The following ZNF786 variants were observed in gnomAD, a reference collection of about 807,000 sequenced individuals.
The protein encoded by ZNF786 is zinc finger protein 786.
Under a neutral mutation model 63.1 loss-of-function variants are expected in ZNF786, and 56 were observed. The ratio of observed to expected loss-of-function variants is 0.89; its 90% CI spans 0.72 to 1.11. The LOEUF (loss-of-function observed/expected upper bound fraction) is 1.11, where lower values mean the gene tolerates loss of function less well. Ranked by LOEUF, ZNF786 falls within the 50% of genes least tolerant of loss-of-function variation. ZNF786 has a pLI of 0.00. For synonymous variants in ZNF786, 485 were observed against 406.9 expected, an observed-to-expected ratio of 1.19 and a Z score of -2.31; for missense variants, 1,213 against 1,041.8, an observed-to-expected ratio of 1.16 and a Z score of -2.26.
At chr7:149,087,365 A>C (rs1209692362) in intron 1 of ZNF786, among the ~76,000 whole-genome samples, 1 of 152,162 alleles carries the variant, frequency 6.6e-6, no homozygotes, top group Admixed American at 6.6e-5. Context: ...GAAACACTAG[A>C]TTAGTGGTTC....
chr7:149,069,942 T>C lies in ZNF786; in HGVS notation c.*481A>G, dbSNP rs1386871481. 1 of 154,760 alleles carries C rather than the reference T, an allele frequency of 6.5e-6. No individual in the cohort carries two copies. Among genetic ancestry groups the C allele is most frequent in the Admixed American group, 6.4e-5 (1 of 15,720 alleles). 9.6% of individuals were successfully genotyped at this position (154,760 alleles called of 1,614,324 possible). A position where few individuals can be genotyped will look rare whatever the true frequency, so the allele number is the denominator to read the frequency against. Reference sequence around the variant, plus strand: ...GGCCTAAATTTACTTTTATAACAATTACTTTTTAAAATGTCAGAACTTCCT... The same window carrying C: ...GGCCTAAATTTACTTTTATAACAATCACTTTTTAAAATGTCAGAACTTCCT... On this transcript the variant is annotated 3_prime_UTR_variant, in exon 4 of 4. Coordinates refer to ENST00000491431, the MANE Select transcript of ZNF786 (RefSeq NM_152411.4).
intron 2 of ZNF786, among the ~76,000 whole-genome samples, chr7:149,077,187 G>A (rs1293650633): frequency 6.6e-6 from 1 of 152,136 alleles, no homozygotes; most frequent in South Asian, 2.1e-4. Context: ...TTCTTGTCTT[G>A]GTTCTCCCAT....
In ZNF786 at chr7:149,090,648, G is replaced by C; in HGVS notation, c.-8C>G. The C allele has an allele frequency of 6.3e-7, 1 of 1,587,538 alleles. No homozygotes were observed. The highest frequency in any genetic ancestry group is 1.1e-5 in the South Asian group (1 of 88,022). On this transcript the variant is annotated 5_prime_UTR_variant, in exon 1 of 4. Transcript: ENST00000491431. ...CCGAGGCGGCTCCGCCATGGTCCCCGCGGTCCCGCCCGGCCCTGGCAAACC... is the reference window on the plus strand; with the variant it reads ...CCGAGGCGGCTCCGCCATGGTCCCCCCGGTCCCGCCCGGCCCTGGCAAACC...
At position 149,070,321 on chromosome 7, in the gene ZNF786, T is replaced by A. The variant is rs1225367929; in HGVS notation, c.*102A>T. 1 of 1,470,846 alleles carries A rather than the reference T, an allele frequency of 6.8e-7. No homozygotes were observed. Among genetic ancestry groups the A allele is most frequent in the Non-Finnish European group, 9.2e-7 (1 of 1,089,434 alleles). The allele number at this position is 1,470,846 out of a possible 1,614,324, so 91.1% of individuals were successfully genotyped here. A position where few individuals can be genotyped will look rare whatever the true frequency, so the allele number is the denominator to read the frequency against. ...CATGACACTCTTGCTCAAAGAAGGA[T>A]ACCTGCTCCTAAAACCCGTCTACCA... On this transcript the variant is annotated 3_prime_UTR_variant, in exon 4 of 4. Transcript: ENST00000491431.
In ZNF786 at chr7:149,071,521, G is replaced by A. The variant is rs1425535445; in HGVS notation, c.1251C>T (p.His417=). Reference sequence around the variant, plus strand: ...AGAACGGTCTCTCCCCACCGTGCGCGTGCTGGTGGACCTGCAGCAGGCGGC... The same window carrying A: ...AGAACGGTCTCTCCCCACCGTGCGCATGCTGGTGGACCTGCAGCAGGCGGC... ...RLRRLLQVHQ[H]AHGGERPFSC... Residue 417 remains histidine, a synonymous_variant, in exon 4 of 4, where the codon CAC becomes CAT. Transcript: ENST00000491431. 6.2e-7 allele frequency: 1 copy of A among 1,613,170 alleles called. No homozygotes were observed. The highest frequency in any genetic ancestry group is 2.2e-5 in the East Asian group (1 of 44,880).
intron 1 of ZNF786, chr7:149,082,645 A>T (rs1164178810): frequency 5.4e-6 from 1 of 185,080 alleles, no homozygotes; most frequent in Non-Finnish European, 1.0e-5. Context: ...CAGTGGCGTG[A>T]TCTTAGCTCA....
intron 1 of ZNF786, among the ~76,000 whole-genome samples, chr7:149,085,643 A>T (rs569163689): frequency 7.2e-4 from 109 of 152,150 alleles, no homozygotes; most frequent in Non-Finnish European, 1.4e-3. Context: ...TGTCATTGGT[A>T]GTTTGATAGG....
At position 149,071,099 on chromosome 7, in the gene ZNF786, G is replaced by GT. The variant is rs1350210647; in HGVS notation, c.1672dup (p.Thr558AsnfsTer95). 1 of 1,605,920 alleles carries GT rather than the reference G, an allele frequency of 6.2e-7. No homozygotes were observed. The highest frequency in any genetic ancestry group is 1.7e-5 in the Admixed American group (1 of 59,266). On this transcript the variant is annotated frameshift_variant, in exon 4 of 4. Transcript: ENST00000491431. LOFTEE classifies it high-confidence loss of function. ...CGAGAACGGCCTCTCCTTGCTGTGC[G>GT]TGTGCTGGTGGGCCTTCAGGATGCC...
intron 1 of ZNF786, among the ~76,000 whole-genome samples, chr7:149,087,054 G>A (rs1825751263): frequency 6.6e-6 from 1 of 152,068 alleles, no homozygotes; most frequent in Admixed American, 6.6e-5. Context: ...TGTTGGTCAG[G>A]CTGGTCTTGA....
At chr7:149,084,351 CAA>C (rs60194366) in intron 1 of ZNF786, among the ~76,000 whole-genome samples, 10 of 62,310 alleles carry the variant, frequency 1.6e-4, no homozygotes, top group Admixed American at 3.6e-4. Flanking sequence ...AACTGCATCC[CAA>C]AAAAAAAAAA....
In ZNF786 at chr7:149,071,098, C is replaced by T. The variant is rs563205681; in HGVS notation, c.1674G>A (p.Thr558=). 1.9e-6 allele frequency: 3 copies of T among 1,611,670 alleles called. No homozygotes were observed. Among genetic ancestry groups the T allele is most frequent in the South Asian group, 1.1e-5 (1 of 90,994 alleles). The change falls in exon 4 of 4, where the codon ACG becomes ACA. Residue 558 remains threonine (T), a synonymous_variant. Coordinates refer to ENST00000491431, the MANE Select transcript of ZNF786 (RefSeq NM_152411.4). ...ACGAGAACGGCCTCTCCTTGCTGTG[C>T]GTGTGCTGGTGGGCCTTCAGGATGC... ...LKGILKAHQH[T]HSKERPFSCG... is the part of the protein sequence containing the mutation.
chr7:149,076,867 G>A (rs752828896), intron 2 of ZNF786, among the ~76,000 whole-genome samples: 13 of 152,094 alleles, frequency 8.5e-5, no homozygotes, highest in Admixed American at 2.6e-4. Flanking sequence ...ATATATCACA[G>A]TCTGTCTTTT....
At position 149,070,528 on chromosome 7, in the gene ZNF786, C is replaced by A. The variant is rs770428360; in HGVS notation, c.2244G>T (p.Ala748=). The A allele has an allele frequency of 5.0e-6, 8 of 1,614,028 alleles. No homozygotes were observed. Among genetic ancestry groups the A allele is most frequent in the Middle Eastern group, 1.6e-4 (1 of 6,062 alleles). The stretch of plus-strand genomic sequence containing the variant: ...ATTTTGTGTGTACTCTGATGTGCTC[C>A]GCAAGCTTAGACTTGTAAATGAAGC... ...GKGFIYKSKL[A]EHIRVHTKSC... The change falls in exon 4 of 4, where the codon GCG becomes GCT. Residue 748 remains alanine (A), a synonymous_variant. Transcript: ENST00000491431.
At position 149,071,736 on chromosome 7, in the gene ZNF786, G is replaced by A; in HGVS notation, c.1036C>T (p.Leu346=). The A allele has an allele frequency of 6.3e-7, 1 of 1,586,352 alleles. No individual in the cohort carries two copies. Among genetic ancestry groups the A allele is most frequent in the Non-Finnish European group, 8.5e-7 (1 of 1,174,028 alleles). Residue 346 remains leucine, a synonymous_variant, in exon 4 of 4, where the codon CTG becomes TTG. Transcript: ENST00000491431. The part of the protein sequence containing the change: ...VHSGQKPGSR[L]PQEGNSHQEG... ...TGGTGGCTGTTCCCCTCCTGGGGCA[G>A]GCGCGAGCCTGGTTTCTGTCCCGAG...
intron 3 of ZNF786, among the ~76,000 whole-genome samples, chr7:149,073,762 T>C (rs868069600): frequency 0.021 from 2,167 of 102,590 alleles, 89 homozygotes; most frequent in African/African-American, 0.069. Flanking sequence ...TATATATATA[T>C]ATATATATAT....
At chr7:149,082,621 G>GC (rs1825672183) in intron 1 of ZNF786, 1 of 294,950 alleles carries the variant, frequency 3.4e-6, no homozygotes, top group African/African-American at 2.3e-5. Flanking sequence ...TCGCTCTGTT[G>GC]CCAGGCTGGA....
chr7:149,073,743 GTGTGTA>G (rs1215853213), intron 3 of ZNF786, among the ~76,000 whole-genome samples: 42 of 69,128 alleles, frequency 6.1e-4, no homozygotes, highest in Non-Finnish European at 9.0e-4. Flanking sequence ...GTGTGTGTGT[GTGTGTA>G]TATATATATA....
intron 3 of ZNF786, 116 bp from the exon 4 acceptor site, chr7:149,072,589 T>C: frequency 1.7e-6 from 2 of 1,197,394 alleles, no homozygotes; most frequent in South Asian, 1.6e-5. Context: ...CAGCTTCCAC[T>C]GAGCTACCCA....
chr7:149,080,059 T>C (rs777441442), intron 2 of ZNF786, among the ~76,000 whole-genome samples: 1 of 151,840 alleles, frequency 6.6e-6, no homozygotes, highest in Non-Finnish European at 1.5e-5. Context: ...GTAGTCCCAG[T>C]TACTCGGTAG....
Sources: allele counts gnomAD v4.1 joint callset (sites outside exome capture counted in the v4.1 genomes callset), GRCh38; gene constraint gnomAD v4.1.1; transcripts MANE v1.5; gene names NCBI Gene and HGNC (gene_info 2026-07-23, HGNC 2026-07-21).